The following DYNC2I1 variants were observed in gnomAD, a reference collection of about 807,000 sequenced individuals.
DYNC2I1 encodes cytoplasmic dynein 2 intermediate chain 1.
In DYNC2I1, 89 loss-of-function variants were observed where a neutral mutation model predicts 133.4. The observed-to-expected ratio is 0.67, with a 90% CI of 0.56 to 0.80. DYNC2I1 has a LOEUF of 0.80. DYNC2I1 is among the 30% of genes least tolerant of loss of function. The probability of loss-of-function intolerance (pLI) is 0.00; values close to 1 mark genes in which losing one functional copy is unlikely to be tolerated. For synonymous variants in DYNC2I1, 504 were observed against 484.3 expected (o/e 1.04, Z -0.54); for missense variants, 1,291 against 1,314.5 (o/e 0.98, Z 0.28).
chr7:158,894,409 G>T (rs1281452528), intron 8 of DYNC2I1, among the ~76,000 whole-genome samples: 1 of 152,196 alleles, frequency 6.6e-6, no homozygotes, highest in East Asian at 1.9e-4. Context: ...TTGAATCATT[G>T]TAAGTTGCAG....
At chr7:158,957,950 C>T (rs1007140821), downstream of DYNC2I1, among the ~76,000 whole-genome samples, 2 of 152,144 alleles carry the variant, frequency 1.3e-5, no homozygotes, top group Admixed American at 6.5e-5. Context: ...TCTGTGGGAC[C>T]CTGAGGGCCC....
intron 1 of DYNC2I1, among the ~76,000 whole-genome samples, chr7:158,860,888 T>G (rs1310720903): frequency 6.6e-6 from 1 of 152,210 alleles, no homozygotes; most frequent in African/African-American, 2.4e-5. Flanking sequence ...GCTGAATGTT[T>G]TAGAGTAGCT....
At chr7:158,871,609 CGCTGCTGGTG>C in intron 3 of DYNC2I1, 47 bp downstream of exon 3, 3 of 1,344,960 alleles carry the variant, frequency 2.2e-6, no homozygotes, top group Non-Finnish European at 1.9e-6. Context: ...GGTGCCGCGT[CGCTGCTGGTG>C]ACAGGTTGAT....
At chr7:158,954,627 G>A (rs775002281) in intron 4 of DYNC2I1, among the ~76,000 whole-genome samples, 3 of 152,158 alleles carry the variant, frequency 2.0e-5, no homozygotes, top group Admixed American at 6.5e-5. Flanking sequence ...CAGCCTGGAC[G>A]ACAGAATGAG....
the DYNC2I1 span, among the ~76,000 whole-genome samples, chr7:158,848,786 T>A: frequency 6.6e-6 from 1 of 152,072 alleles, no homozygotes; most frequent in Non-Finnish European, 1.5e-5. Context: ...TAGCCAGGCA[T>A]GGTGGCAGGC....
Position 158,945,881 on chromosome 7 carries a change from CTATG to C in DYNC2I1, c.*106_*109del, listed in dbSNP as rs1267040454. The C allele has an allele frequency of 8.8e-6, 10 of 1,132,420 alleles. No homozygotes were observed. The highest frequency in any genetic ancestry group is 1.6e-5 in the African/African-American group (1 of 63,210). The allele number at this position is 1,132,420 out of a possible 1,614,324, so 70.1% of individuals were successfully genotyped here. ...GTGCAAGTATATTTATGTATATAGA[CTATG>C]TATATTCTGTATATAATTTATTTTA... On this transcript the variant is annotated 3_prime_UTR_variant, in exon 25 of 25. Coordinates refer to ENST00000407559, the MANE Select transcript of DYNC2I1 (RefSeq NM_018051.5). The surrounding 1 kb of genome is among the most constrained non-coding windows in gnomAD (Gnocchi z 4.1).
chr7:158,869,121 G>A (rs1199368967), intron 1 of DYNC2I1, among the ~76,000 whole-genome samples: 1 of 152,172 alleles, frequency 6.6e-6, no homozygotes, highest in Non-Finnish European at 1.5e-5. Flanking sequence ...TGACTCATGA[G>A]GGGCTGCGGG....
At chr7:158,902,901 G>C (rs1024187930) in intron 10 of DYNC2I1, 4 of 298,896 alleles carry the variant, frequency 1.3e-5, no homozygotes. Context: ...CTGTTCTCCA[G>C]AGGGAGCTGA....
chr7:158,862,591 A>G (rs2129476098), intron 1 of DYNC2I1, among the ~76,000 whole-genome samples: 1 of 146,976 alleles, frequency 6.8e-6, no homozygotes. Context: ...ATGGTGGTGC[A>G]TTTCTGTAGC....
At chr7:158,914,205 T>C (rs962413186) in intron 13 of DYNC2I1, 28 bp from the exon 14 acceptor site, 5 of 1,580,946 alleles carry the variant, frequency 3.2e-6, no homozygotes, top group African/African-American at 1.3e-5. Flanking sequence ...GTCGACTTCG[T>C]TGATTTTATA....
At chr7:158,884,135 C>G (rs192353706) in intron 5 of DYNC2I1, among the ~76,000 whole-genome samples, 9,377 of 150,894 alleles carry the variant, frequency 0.062, 369 homozygotes, top group African/African-American at 0.11. Flanking sequence ...AGCTCCGCCT[C>G]CCGGGTTCAC....
At chr7:158,938,736 A>G (rs1450258270) in intron 23 of DYNC2I1, among the ~76,000 whole-genome samples, 1 of 152,172 alleles carries the variant, frequency 6.6e-6, no homozygotes, top group East Asian at 1.9e-4. Context: ...AGTCTGGGTG[A>G]CAGAGTGAAA....
downstream of DYNC2I1, among the ~76,000 whole-genome samples, chr7:158,947,157 A>G (rs1204457492): frequency 1.3e-5 from 2 of 152,186 alleles, no homozygotes; most frequent in Non-Finnish European, 2.9e-5. Flanking sequence ...TTCCGTCTGC[A>G]TCTTCATGGA....
At chr7:158,866,485 C>T (rs1001703979) in intron 1 of DYNC2I1, among the ~76,000 whole-genome samples, 1 of 152,006 alleles carries the variant, frequency 6.6e-6, no homozygotes, top group African/African-American at 2.4e-5. Context: ...TGGACTGTCC[C>T]CGAGTATCCT....
intron 14 of DYNC2I1, 101 bp from the exon 15 acceptor site, chr7:158,918,639 A>G: frequency 7.5e-7 from 1 of 1,339,690 alleles, no homozygotes; most frequent in Non-Finnish European, 1.0e-6. Flanking sequence ...GGATCTAAGC[A>G]GTTATTTGCA....
At chr7:158,954,638 ACTCT>A (rs771404315) in intron 4 of DYNC2I1, among the ~76,000 whole-genome samples, 148 of 152,196 alleles carry the variant, frequency 9.7e-4, no homozygotes, top group Non-Finnish European at 1.6e-3. Flanking sequence ...ACAGAATGAG[ACTCT>A]CTCTCTAAAA....
At chr7:158,876,263 A>G (rs768963736) in intron 3 of DYNC2I1, among the ~76,000 whole-genome samples, 17 of 152,178 alleles carry the variant, frequency 1.1e-4, no homozygotes, top group Non-Finnish European at 1.6e-4. Flanking sequence ...GAACTCACTC[A>G]GTATCACAAG....
chr7:158,927,015 A>G lies in DYNC2I1; in HGVS notation c.2457A>G (p.Ala819=), dbSNP rs1328468279. 1.9e-6 allele frequency: 3 copies of G among 1,604,662 alleles called. No individual in the cohort carries two copies. The highest frequency in any genetic ancestry group is 2.6e-6 in the Non-Finnish European group (3 of 1,175,028). ...NVWVVVELPK[A]DIAGSISDLG... is the part of the protein sequence containing the mutation. ...AGGTGGTTGTTGAATTACCAAAGGC[A>G]GACATCGCAGGTTCAATAAGTGATT... Residue 819 remains alanine, a synonymous_variant, in exon 20 of 25, where the codon GCA becomes GCG. Coordinates refer to ENST00000407559, the MANE Select transcript of DYNC2I1 (RefSeq NM_018051.5).
intron 15 of DYNC2I1, among the ~76,000 whole-genome samples, chr7:158,922,095 T>C (rs1849158168): frequency 1.3e-5 from 2 of 152,182 alleles, no homozygotes; most frequent in African/African-American, 4.8e-5. Context: ...TCCCGGCTTC[T>C]GGTGGGCAGC....
Sources: allele counts gnomAD v4.1 joint callset (sites outside exome capture counted in the v4.1 genomes callset), GRCh38; gene constraint gnomAD v4.1.1; non-coding constraint Gnocchi (gnomAD v3.1); transcripts MANE v1.5; gene names NCBI Gene and HGNC (gene_info 2026-07-23, HGNC 2026-07-21).